Variants in PDE8B observed in about 807,000 individuals in gnomAD.
PDE8B encodes phosphodiesterase 8B, also known as high affinity cAMP-specific and IBMX-insensitive 3',5'-cyclic phosphodiesterase 8B.
A neutral mutation model predicts 101.3 loss-of-function variants in PDE8B; 26 were observed. The ratio of observed to expected loss-of-function variants is 0.26; its 90% CI spans 0.19 to 0.36. PDE8B has a LOEUF of 0.36. Among genes scored for constraint, PDE8B ranks in the 10% least tolerant of loss-of-function variants. The probability of loss-of-function intolerance (pLI) is 1.00; values close to 1 mark genes in which losing one functional copy is unlikely to be tolerated. For synonymous variants in PDE8B, 424 were observed against 429.3 expected (o/e 0.99, Z 0.15); for missense variants, 810 against 1,163.1 (o/e 0.70, Z 4.42).
At chr5:77,278,369 CT>C (rs879550794) in intron 1 of PDE8B, among the ~76,000 whole-genome samples, 15 of 152,206 alleles carry the variant, frequency 9.9e-5, no homozygotes, top group Admixed American at 5.9e-4. Flanking sequence ...AGTTTTTCAA[CT>C]ACTGTGTTCT....
chr5:77,389,618 T>G (rs1789478538), intron 10 of PDE8B, among the ~76,000 whole-genome samples: 1 of 152,134 alleles, frequency 6.6e-6, no homozygotes, highest in African/African-American at 2.4e-5. Flanking sequence ...CAAAAGTCCC[T>G]TCATGCCCCT....
chr5:77,340,561 C>T (rs1435399378), intron 6 of PDE8B, among the ~76,000 whole-genome samples: 2 of 151,640 alleles, frequency 1.3e-5, no homozygotes, highest in Non-Finnish European at 2.9e-5. Flanking sequence ...TACAAGCCAC[C>T]GCCTTGCCCA....
In PDE8B at chr5:77,419,454, T is replaced by C. The variant is rs1286602996; in HGVS notation, c.2130-313T>C. Among the ~76,000 whole-genome samples, 3 of 152,340 alleles carry C rather than the reference T, an allele frequency of 2.0e-5. No individual in the cohort carries two copies. In the East Asian group the frequency reaches 5.8e-4, roughly 29 times the overall value. ...AGCCTGCCATTTCCTGCCACCTTAC[T>C]GTTTTGATGTTCTCAAGGGAAGGGA... is the stretch of plus-strand genomic sequence containing the variant. On this transcript the variant is annotated intron_variant, in intron 18 of 21. Transcript: ENST00000264917.
intron 2 of PDE8B, among the ~76,000 whole-genome samples, chr5:77,318,055 C>CAAAAAAAAAAAA (rs55952764): frequency 7.0e-5 from 4 of 57,172 alleles, no homozygotes; most frequent in African/African-American, 1.4e-4. Flanking sequence ...GACTCCATCT[C>CAAAAAAAAAAAA]AAAAAAAAAA....
chr5:77,216,895 C>T (rs1339211867), intron 1 of PDE8B, among the ~76,000 whole-genome samples: 1 of 152,158 alleles, frequency 6.6e-6, no homozygotes, highest in Non-Finnish European at 1.5e-5. Context: ...ATATCCTGAG[C>T]ATATCCCAAA....
At chr5:77,295,883 G>T (rs1202934027) in intron 1 of PDE8B, among the ~76,000 whole-genome samples, 2 of 152,152 alleles carry the variant, frequency 1.3e-5, no homozygotes, top group African/African-American at 4.8e-5. Context: ...GTTCTCACAT[G>T]GTGTCAAGAT....
At chr5:77,298,749 T>C (rs1281036509) in intron 1 of PDE8B, among the ~76,000 whole-genome samples, 1 of 152,176 alleles carries the variant, frequency 6.6e-6, no homozygotes, top group Non-Finnish European at 1.5e-5. Flanking sequence ...TTAGAGACTT[T>C]GAACTAAAAT....
the PDE8B span, among the ~76,000 whole-genome samples, chr5:77,122,297 A>G: frequency 6.6e-6 from 1 of 152,188 alleles, no homozygotes; most frequent in Non-Finnish European, 1.5e-5. Context: ...TCCTGCACAC[A>G]TAATGTAACA....
intron 10 of PDE8B, among the ~76,000 whole-genome samples, chr5:77,378,627 T>C (rs1786822565): frequency 6.6e-6 from 1 of 152,106 alleles, no homozygotes; most frequent in Admixed American, 6.6e-5. Context: ...AGCTTGCGAG[T>C]CAGTAGTTCT....
At chr5:77,148,699 A>G in the PDE8B span, among the ~76,000 whole-genome samples, 2 of 152,206 alleles carry the variant, frequency 1.3e-5, no homozygotes, top group African/African-American at 4.8e-5. Flanking sequence ...GGCTATTCAA[A>G]TCTTCTGCCC....
At chr5:77,210,309 C>G (rs1035463329), upstream of PDE8B, 5 of 150,966 alleles carry the variant, frequency 3.3e-5, no homozygotes, top group African/African-American at 1.2e-4. The surrounding 1 kb of genome is among the most constrained non-coding windows in gnomAD (Gnocchi z 4.9). Flanking sequence ...CGCACAGGGG[C>G]CCCGCGGCGG....
chr5:77,129,431 C>G, the PDE8B span, among the ~76,000 whole-genome samples: 1 of 152,112 alleles, frequency 6.6e-6, no homozygotes, highest in South Asian at 2.1e-4. Context: ...AGGATGGTCA[C>G]TGTAAGAGAA....
chr5:77,389,039 A>G (rs1308954040), intron 10 of PDE8B, among the ~76,000 whole-genome samples: 4 of 152,042 alleles, frequency 2.6e-5, no homozygotes, highest in African/African-American at 7.2e-5. Context: ...GAGCCAGACC[A>G]CTTGGCTCCC....
chr5:77,216,919 A>T lies in PDE8B; in HGVS notation c.339+5655A>T, dbSNP rs1251627085. On this transcript the variant is annotated intron_variant, in intron 1 of 21. Coordinates refer to ENST00000264917, the MANE Select transcript of PDE8B (RefSeq NM_003719.5). ...GCATATCCCAAAGGCTCTTCGTAAC[A>T]GGCAATAAGAGATGTTCAGTGTCAC... Among the ~76,000 whole-genome samples, 5 of 152,222 alleles carry T rather than the reference A, an allele frequency of 3.3e-5. No individual in the cohort carries two copies. In the East Asian group the frequency reaches 9.6e-4, roughly 29 times the overall value.
chr5:77,367,936 T>C (rs1784443369), intron 10 of PDE8B, among the ~76,000 whole-genome samples: 1 of 152,228 alleles, frequency 6.6e-6, no homozygotes, highest in South Asian at 2.1e-4. Flanking sequence ...TTGTTCTCAG[T>C]GCTGAACTGG....
chr5:77,251,803 A>C (rs1322431040), intron 1 of PDE8B, among the ~76,000 whole-genome samples: 2 of 152,070 alleles, frequency 1.3e-5, no homozygotes, highest in African/African-American at 4.8e-5. Context: ...TCTTCCACTG[A>C]TTTATTAATT....
chr5:77,228,365 G>A (rs1752867308), intron 1 of PDE8B, among the ~76,000 whole-genome samples: 1 of 152,146 alleles, frequency 6.6e-6, no homozygotes, highest in South Asian at 2.1e-4. Flanking sequence ...GGGCTGTGTT[G>A]GAACCTGCCT....
At chr5:77,214,852 T>C (rs940579544) in intron 1 of PDE8B, among the ~76,000 whole-genome samples, 1 of 152,156 alleles carries the variant, frequency 6.6e-6, no homozygotes, top group Non-Finnish European at 1.5e-5. Flanking sequence ...TTTGAATTTC[T>C]AACAAGCTTC....
At chr5:77,132,801 C>T in the PDE8B span, among the ~76,000 whole-genome samples, 1 of 152,174 alleles carries the variant, frequency 6.6e-6, no homozygotes, top group Non-Finnish European at 1.5e-5. Context: ...CTAGTAGCTT[C>T]TAAGGAAAGG....
Sources: allele counts gnomAD v4.1 joint callset (sites outside exome capture counted in the v4.1 genomes callset), GRCh38; gene constraint gnomAD v4.1.1; non-coding constraint Gnocchi (gnomAD v3.1); transcripts MANE v1.5; gene names NCBI Gene and HGNC (gene_info 2026-07-23, HGNC 2026-07-21).